Variants in TFEC observed in about 807,000 individuals in gnomAD.
TFEC encodes the protein class E basic helix-loop-helix protein 34.
A neutral mutation model predicts 41.6 loss-of-function variants in TFEC; 31 were observed. The observed-to-expected ratio is 0.74, with a 90% CI of 0.56 to 1.01. The LOEUF (loss-of-function observed/expected upper bound fraction) is 1.01. Ranked by LOEUF, TFEC falls within the 50% of genes least tolerant of loss-of-function variation. The probability of loss-of-function intolerance (pLI) is 0.00; values close to 1 mark genes in which losing one functional copy is unlikely to be tolerated. For missense variants in TFEC, 402 were observed against 404.1 expected, an observed-to-expected ratio of 0.99 and a Z score of 0.04; for synonymous variants, 143 against 140.6, an observed-to-expected ratio of 1.02 and a Z score of -0.12.
upstream of TFEC, among the ~76,000 whole-genome samples, chr7:116,034,666 A>G (rs1795867281): frequency 6.8e-6 from 1 of 147,406 alleles, no homozygotes; most frequent in Admixed American, 7.1e-5. Context: ...TTACACACAC[A>G]CTAACACGCA....
chr7:116,139,667 GA>G (rs138959483), intron 1 of TFEC, among the ~76,000 whole-genome samples: 1 of 152,308 alleles, frequency 6.6e-6, no homozygotes, highest in East Asian at 1.9e-4. Flanking sequence ...ATCCTGGCCA[GA>G]ATTACTCTGG....
intron 3 of TFEC, among the ~76,000 whole-genome samples, chr7:116,093,901 A>C (rs1349328202): frequency 6.6e-6 from 1 of 152,208 alleles, no homozygotes; most frequent in Non-Finnish European, 1.5e-5. Flanking sequence ...CCTGAGATAT[A>C]AACTTTTTAA....
intron 1 of TFEC, among the ~76,000 whole-genome samples, chr7:116,026,180 T>C (rs1263203834): frequency 6.6e-6 from 1 of 152,216 alleles, no homozygotes; most frequent in Non-Finnish European, 1.5e-5. Flanking sequence ...TTTCACACAA[T>C]GGTTCCACTT....
rs542504921 is a variant in TFEC at position 116,129,463 on chromosome 7, T to C, written c.-68-17425A>G. On this transcript the variant is annotated intron_variant, in intron 1 of 8. Coordinates refer to the TFEC transcript ENST00000484212. ...ATACAGAGAGCATTAAATGTCACTG[T>C]GTATTAAAGATAATATAATAATCCC... is the stretch of plus-strand genomic sequence containing the variant. 2.0e-5 allele frequency among the ~76,000 whole-genome samples: 3 copies of C among 152,074 alleles called. No homozygotes were observed. The South Asian group carries it at 6.2e-4, about 32-fold the overall frequency.
intron 1 of TFEC, among the ~76,000 whole-genome samples, chr7:116,136,997 T>C (rs1348161429): frequency 6.6e-6 from 1 of 152,102 alleles, no homozygotes; most frequent in Admixed American, 6.5e-5. Context: ...TAATTTCATA[T>C]AATATTCCTC....
intron 3 of TFEC, among the ~76,000 whole-genome samples, chr7:116,052,968 A>G (rs1192758949): frequency 1.1e-4 from 16 of 151,912 alleles, no homozygotes; most frequent in East Asian, 2.0e-4. Context: ...GCTACTCGGG[A>G]GGCTGAGGCA....
intron 3 of TFEC, among the ~76,000 whole-genome samples, chr7:116,102,429 G>C (rs1797625538): frequency 6.6e-6 from 1 of 152,148 alleles, no homozygotes; most frequent in Non-Finnish European, 1.5e-5. Context: ...GAGAAAGATT[G>C]GATAGGAACG....
At chr7:116,077,529 A>AG (rs1263555972) in intron 3 of TFEC, among the ~76,000 whole-genome samples, 1 of 152,102 alleles carries the variant, frequency 6.6e-6, no homozygotes, top group African/African-American at 2.4e-5. Flanking sequence ...TCTTCAGGAG[A>AG]CACACCTAAC....
intron 3 of TFEC, among the ~76,000 whole-genome samples, chr7:116,051,587 T>G (rs1477029353): frequency 6.6e-6 from 1 of 152,236 alleles, no homozygotes; most frequent in Non-Finnish European, 1.5e-5. Flanking sequence ...TGTGTCAATA[T>G]ATATCTGATG....
In TFEC at chr7:116,006,189, C is replaced by T. The variant is rs529470290; in HGVS notation, c.-72-21676G>A. The stretch of plus-strand genomic sequence containing the variant: ...GCACAGAGTCCCTACTGGACCACTG[C>T]TTAGTGGAGCTGTGAGAAGAGGGCC... On this transcript the variant is annotated intron_variant, in intron 1 of 7. Transcript: ENST00000265440. 3.9e-5 allele frequency among the ~76,000 whole-genome samples: 6 copies of T among 152,316 alleles called. No homozygotes were observed. The East Asian group carries it at 1.2e-3, about 29-fold the overall frequency.
At chr7:116,082,515 T>C (rs1025704748) in intron 3 of TFEC, among the ~76,000 whole-genome samples, 37 of 152,050 alleles carry the variant, frequency 2.4e-4, no homozygotes, top group Admixed American at 1.5e-3. Context: ...CATAAAAACA[T>C]GAGTATCTTC....
intron 1 of TFEC, among the ~76,000 whole-genome samples, chr7:116,128,982 A>C (rs1033939117): frequency 6.6e-5 from 10 of 152,042 alleles, no homozygotes; most frequent in African/African-American, 1.4e-4. Flanking sequence ...ACAAATTATT[A>C]TCATCAACTA....
At chr7:115,995,588 A>G (rs933006283) in intron 1 of TFEC, among the ~76,000 whole-genome samples, 6 of 152,222 alleles carry the variant, frequency 3.9e-5, no homozygotes, top group Non-Finnish European at 5.9e-5. Context: ...AACAAATTGA[A>G]CAACTAGCCA....
intron 1 of TFEC, among the ~76,000 whole-genome samples, chr7:116,137,156 C>T (rs1798448681): frequency 6.6e-6 from 1 of 151,986 alleles, no homozygotes; most frequent in Non-Finnish European, 1.5e-5. Context: ...TCAGAGTGAC[C>T]AGCAATTATC....
chr7:116,063,506 C>A (rs561327004), intron 3 of TFEC, among the ~76,000 whole-genome samples: 1 of 152,118 alleles, frequency 6.6e-6, no homozygotes, highest in African/African-American at 2.4e-5. Context: ...GTAGTCCCAG[C>A]TACTCCGGAG....
intron 1 of TFEC, among the ~76,000 whole-genome samples, chr7:116,138,801 A>C (rs1798484474): frequency 1.3e-5 from 2 of 152,196 alleles, no homozygotes; most frequent in South Asian, 4.1e-4. Flanking sequence ...TGGTAACAGC[A>C]GGAGCCTTGT....
intron 2 of TFEC, among the ~76,000 whole-genome samples, chr7:115,975,963 GGTATCCAGTAGAA>G (rs1254138384): frequency 2.6e-5 from 4 of 151,982 alleles, no homozygotes; most frequent in Non-Finnish European, 5.9e-5. Flanking sequence ...CAAGGCCAGT[GGTATCCAGTAGAA>G]ATTTCTGCAA....
chr7:115,987,590 C>T (rs1793914762), intron 1 of TFEC, among the ~76,000 whole-genome samples: 1 of 151,944 alleles, frequency 6.6e-6, no homozygotes, highest in African/African-American at 2.4e-5. Context: ...AGTGTCTGCC[C>T]TCAAATAGTA....
chr7:115,984,105 C>A (rs769594588), intron 2 of TFEC, among the ~76,000 whole-genome samples, 157 bp downstream of exon 2: 3 of 151,810 alleles, frequency 2.0e-5, no homozygotes, highest in African/African-American at 7.3e-5. Context: ...AATTTATATG[C>A]ATATAGTTAA....
Sources: allele counts gnomAD v4.1 joint callset (sites outside exome capture counted in the v4.1 genomes callset), GRCh38; gene constraint gnomAD v4.1.1; transcripts MANE v1.5; gene names NCBI Gene and HGNC (gene_info 2026-07-23, HGNC 2026-07-21).